The following GAS2L3 variants were observed in gnomAD, a reference collection of about 807,000 sequenced individuals.
The protein encoded by GAS2L3 is growth arrest specific 2 like 3, also known as GAS2-like protein 3.
In GAS2L3, 28 loss-of-function variants were observed where a neutral mutation model predicts 37.0. The ratio of observed to expected loss-of-function variants is 0.76; its 90% CI spans 0.56 to 1.04. The LOEUF (loss-of-function observed/expected upper bound fraction) is 1.04. GAS2L3 is among the 50% of genes least tolerant of loss of function. The pLI, the probability that GAS2L3 is intolerant of heterozygous loss-of-function variation, is 0.00. For synonymous variants in GAS2L3, 290 were observed against 296.6 expected (o/e 0.98, Z 0.23); for missense variants, 793 against 817.6 (o/e 0.97, Z 0.37).
chr12:100,612,342 A>G (rs1343601453), intron 6 of GAS2L3: 1 of 521,562 alleles, frequency 1.9e-6, no homozygotes, highest in Non-Finnish European at 3.3e-6. Context: ...TAAAGATTTT[A>G]TGTGTCTAGA....
chr12:100,583,762 C>A (rs1240650802), intron 1 of GAS2L3, among the ~76,000 whole-genome samples: 1 of 152,136 alleles, frequency 6.6e-6, no homozygotes, highest in African/African-American at 2.4e-5. Flanking sequence ...TGCCACCGCA[C>A]CCAGCCGTCA....
chr12:100,595,653 C>A (rs1186725663), intron 3 of GAS2L3, among the ~76,000 whole-genome samples: 2 of 151,932 alleles, frequency 1.3e-5, no homozygotes, highest in Admixed American at 1.3e-4. Context: ...AAACTTGCAT[C>A]AATTAGATTT....
chr12:100,622,515 T>C (rs916876412), intron 9 of GAS2L3, 133 bp downstream of exon 9: 1 of 523,192 alleles, frequency 1.9e-6, no homozygotes, highest in Non-Finnish European at 3.4e-6. Context: ...AGGATTTCAC[T>C]GTACAGGGAA....
intron 6 of GAS2L3, chr12:100,612,480 G>A (rs546107907): frequency 2.0e-4 from 40 of 203,958 alleles, no homozygotes; most frequent in Non-Finnish European, 2.9e-4. Context: ...CCCTTTAACC[G>A]GATAATTACG....
Position 100,573,747 on chromosome 12 carries a change from G to A in GAS2L3, c.-190G>A, listed in dbSNP as rs1022789302. Reference sequence around the variant, plus strand: ...GTTGGCCCCGCACAGATTGAGCCGAGTTGTCGCCCCGCTGGGAGAAGTGAC... The same window carrying A: ...GTTGGCCCCGCACAGATTGAGCCGAATTGTCGCCCCGCTGGGAGAAGTGAC... On this transcript the variant is annotated 5_prime_UTR_variant, in exon 1 of 10. Coordinates refer to ENST00000547754, the MANE Select transcript of GAS2L3 (RefSeq NM_174942.3). The A allele has an allele frequency of 6.5e-6, 1 of 153,892 alleles. No homozygotes were observed. Among genetic ancestry groups the A allele is most frequent in the African/African-American group, 2.4e-5 (1 of 41,478 alleles). 9.5% of individuals were successfully genotyped at this position (153,892 alleles called of 1,614,324 possible). A position where few individuals can be genotyped will look rare whatever the true frequency, so the allele number is the denominator to read the frequency against.
At position 100,627,536 on chromosome 12, in the gene GAS2L3, C is replaced by T. The variant is rs1639837762; in HGVS notation, c.*2646C>T. 6.6e-6 allele frequency: 1 copy of T among 152,208 alleles called. No homozygotes were observed. Among genetic ancestry groups the T allele is most frequent in the Non-Finnish European group, 1.5e-5 (1 of 68,044 alleles). The allele number at this position is 152,208 out of a possible 1,614,324, so 9.4% of individuals were successfully genotyped here. Reference sequence around the variant, plus strand: ...CAGGTGATCCACCTGCCTCAGCCTCCCAAAGCGCTGGGATTACAGGCATGA... The same window carrying T: ...CAGGTGATCCACCTGCCTCAGCCTCTCAAAGCGCTGGGATTACAGGCATGA... On this transcript the variant is annotated 3_prime_UTR_variant, in exon 10 of 10. Coordinates refer to ENST00000547754, the MANE Select transcript of GAS2L3 (RefSeq NM_174942.3).
rs1398311071 is a variant in GAS2L3, at chr12:100,593,965, A to G, written c.-30-910A>G. The G allele has an allele frequency of 5.9e-5, 9 of 152,204 alleles. No individual in the cohort carries two copies. The East Asian group carries it at 1.5e-3, about 26-fold the overall frequency. The allele number at this position is 152,204 out of a possible 1,614,324, so 9.4% of individuals were successfully genotyped here. A position where few individuals can be genotyped will look rare whatever the true frequency, so the allele number is the denominator to read the frequency against. Reference sequence around the variant, plus strand: ...TGGTACTAGAAGAAATGTTCCTGAAAGGAAAGTGGTATGTATAGTTGACAC... The same window carrying G: ...TGGTACTAGAAGAAATGTTCCTGAAGGGAAAGTGGTATGTATAGTTGACAC... On this transcript the variant is annotated intron_variant, in intron 2 of 9. Coordinates refer to ENST00000547754, the MANE Select transcript of GAS2L3 (RefSeq NM_174942.3).
chr12:100,589,000 T>G (rs1955814168), intron 1 of GAS2L3, among the ~76,000 whole-genome samples: 1 of 152,146 alleles, frequency 6.6e-6, no homozygotes, highest in Non-Finnish European at 1.5e-5. Context: ...TACAATCAAT[T>G]TGTAGAGTTA....
intron 1 of GAS2L3, among the ~76,000 whole-genome samples, chr12:100,577,921 G>C (rs1955658654): frequency 6.6e-6 from 1 of 152,244 alleles, no homozygotes; most frequent in African/African-American, 2.4e-5. Flanking sequence ...AGGCTGAAGT[G>C]TAAGAGTCAA....
chr12:100,574,025 G>C (rs1340443355), intron 1 of GAS2L3: 1 of 152,336 alleles, frequency 6.6e-6, no homozygotes, highest in African/African-American at 2.4e-5. Context: ...GCCTTCACCT[G>C]TCCACCCAAG....
chr12:100,587,356 CCAA>C lies in GAS2L3; in HGVS notation c.-151-4374_-151-4372del, dbSNP rs1290183329. ...TTGACAAAATACTAGCTAACTGAAT[CCAA>C]CAACATATCAAAAAGATAAACCACC... On this transcript the variant is annotated intron_variant, in intron 1 of 9. Transcript: ENST00000547754. 6.6e-5 allele frequency among the ~76,000 whole-genome samples: 10 copies of C among 152,262 alleles called. No individual in the cohort carries two copies. In the South Asian group the frequency reaches 1.9e-3, roughly 28 times the overall value.
At chr12:100,580,058 C>T (rs1222573193) in intron 1 of GAS2L3, 2 of 1,452,192 alleles carry the variant, frequency 1.4e-6, no homozygotes, top group East Asian at 2.3e-5. Flanking sequence ...TCCTCTTCCT[C>T]ATTTTCTTGA....
At chr12:100,575,822 G>A (rs1009755114) in intron 1 of GAS2L3, among the ~76,000 whole-genome samples, 28 of 152,198 alleles carry the variant, frequency 1.8e-4, no homozygotes, top group Admixed American at 5.2e-4. Context: ...TCAAAGAAGG[G>A]AAATCACTTA....
chr12:100,623,902 C>G lies in GAS2L3; in HGVS notation c.1097C>G (p.Ser366Cys). ...ASSLKGGNLG[S>C]MSVRSKLPNS... ...TCACTGAAAGGAGGTAATCTGGGCT[C>G]TATGTCAGTCCGTTCTAAATTGCCA... is the stretch of plus-strand genomic sequence containing the variant. Residue 366 changes from serine (S) to cysteine (C), a missense_variant, in exon 10 of 10, where the codon TCT (serine) becomes TGT (cysteine). By Grantham distance (112) the Ser-to-Cys change is moderately radical. Transcript: ENST00000547754. The G allele has an allele frequency of 6.2e-7, 1 of 1,614,112 alleles. No individual in the cohort carries two copies. Among genetic ancestry groups the G allele is most frequent in the Admixed American group, 1.7e-5 (1 of 60,002 alleles).
chr12:100,594,289 A>G (rs1955882955), intron 2 of GAS2L3, among the ~76,000 whole-genome samples: 1 of 152,012 alleles, frequency 6.6e-6, no homozygotes, highest in African/African-American at 2.4e-5. Context: ...AGATTTCAAG[A>G]ATACTACTTT....
chr12:100,606,270 T>A (rs1956055906), intron 5 of GAS2L3, among the ~76,000 whole-genome samples: 1 of 152,102 alleles, frequency 6.6e-6, no homozygotes, highest in African/African-American at 2.4e-5. Flanking sequence ...TTATGGGTTT[T>A]GTCTTAGAAT....
intron 2 of GAS2L3, among the ~76,000 whole-genome samples, chr12:100,592,186 T>A (rs558492233): frequency 6.6e-6 from 1 of 152,246 alleles, no homozygotes; most frequent in East Asian, 1.9e-4. Context: ...TTCCTCTCTC[T>A]TCCTCAGTAG....
chr12:100,612,187 G>A, intron 6 of GAS2L3, 46 bp downstream of exon 6: 1 of 1,508,476 alleles, frequency 6.6e-7, no homozygotes, highest in South Asian at 1.2e-5. Context: ...TTACTAGGAT[G>A]TTTTAATATC....
At chr12:100,617,862 T>A in intron 7 of GAS2L3, 55 bp downstream of exon 7, 1 of 1,025,714 alleles carries the variant, frequency 9.7e-7, no homozygotes, top group Non-Finnish European at 1.5e-6. Flanking sequence ...TTAAATCTAC[T>A]GAATTTTAGT....
Sources: gnomAD v4.1 joint callset for allele counts (sites outside exome capture counted in the v4.1 genomes callset) on GRCh38, gnomAD v4.1.1 for gene constraint, MANE v1.5 for transcripts, NCBI Gene and HGNC (gene_info 2026-07-23, HGNC 2026-07-21) for gene names.